PREX1: variants seen among roughly 807,000 people sequenced by gnomAD.
The protein encoded by PREX1 is phosphatidylinositol 3,4,5-trisphosphate-dependent Rac exchanger 1 protein.
A neutral mutation model predicts 198.3 loss-of-function variants in PREX1; 41 were observed. The ratio of observed to expected loss-of-function variants is 0.21; its 90% confidence interval spans 0.16 to 0.27. The LOEUF (loss-of-function observed/expected upper bound fraction) is 0.27. Ranked by LOEUF, PREX1 falls within the 10% of genes least tolerant of loss-of-function variation. The pLI is 1.00. For synonymous variants in PREX1, 843 were observed against 887.2 expected, an observed-to-expected ratio of 0.95 and a Z score of 0.89; for missense variants, 1,620 against 2,200.7, an observed-to-expected ratio of 0.74 and a Z score of 5.28.
At chr20:48,636,319 C>A in intron 32 of PREX1, 144 bp downstream of exon 32, 1 of 846,556 alleles carries the variant, frequency 1.2e-6, no homozygotes, top group Non-Finnish European at 1.8e-6. Flanking sequence ...TATAAAACAG[C>A]ACACAGGTGC....
intron 7 of PREX1, among the ~76,000 whole-genome samples, chr20:48,699,912 ACT>A (rs1377376240): frequency 6.6e-6 from 1 of 151,852 alleles, no homozygotes; most frequent in African/African-American, 2.4e-5. Context: ...ACACTCATTC[ACT>A]CACACACACG....
chr20:48,774,786 T>C (rs1198737338), intron 1 of PREX1, among the ~76,000 whole-genome samples: 3 of 152,222 alleles, frequency 2.0e-5, no homozygotes, highest in Non-Finnish European at 4.4e-5. Context: ...CAGGCAAATC[T>C]CCGGCCCCTC....
At chr20:48,808,085 A>G (rs1017633385) in intron 1 of PREX1, among the ~76,000 whole-genome samples, 2 of 152,172 alleles carry the variant, frequency 1.3e-5, no homozygotes, top group Non-Finnish European at 1.5e-5. Context: ...CTGTTGTCGG[A>G]ACATTCTGGA....
At chr20:48,627,691 G>T in intron 38 of PREX1, 76 bp from the exon 39 acceptor site, 1 of 1,500,454 alleles carries the variant, frequency 6.7e-7, no homozygotes, top group Non-Finnish European at 9.3e-7. Flanking sequence ...GGGTGGGGGT[G>T]GGGCCCAGAA....
intron 1 of PREX1, among the ~76,000 whole-genome samples, chr20:48,823,368 C>G (rs1281982569): frequency 6.6e-6 from 1 of 152,162 alleles, no homozygotes; most frequent in African/African-American, 2.4e-5. Context: ...CAGGTGGGCC[C>G]AAGGTCTACT....
chr20:48,810,543 C>T (rs2090429205), intron 1 of PREX1, among the ~76,000 whole-genome samples: 1 of 149,484 alleles, frequency 6.7e-6, no homozygotes, highest in South Asian at 2.1e-4. Context: ...GATCACACCA[C>T]TGCACTCCAG....
At chr20:48,672,254 G>A (rs1371944908) in intron 14 of PREX1, among the ~76,000 whole-genome samples, 1 of 152,212 alleles carries the variant, frequency 6.6e-6, no homozygotes, top group African/African-American at 2.4e-5. Flanking sequence ...AGGCTTTGGA[G>A]TCATTCTCTG....
At chr20:48,805,373 G>A (rs2090407180) in intron 1 of PREX1, among the ~76,000 whole-genome samples, 3 of 152,236 alleles carry the variant, frequency 2.0e-5, no homozygotes, top group African/African-American at 7.2e-5. Flanking sequence ...TCAGCTGGCT[G>A]AGCCACCCGG....
chr20:48,735,236 G>A (rs905164660), intron 3 of PREX1, among the ~76,000 whole-genome samples: 3 of 152,136 alleles, frequency 2.0e-5, no homozygotes, highest in East Asian at 1.9e-4. Flanking sequence ...CACAGAACCC[G>A]CCAAACCCTA....
intron 1 of PREX1, among the ~76,000 whole-genome samples, chr20:48,785,849 G>T (rs906409872): frequency 6.6e-6 from 1 of 152,218 alleles, no homozygotes; most frequent in Non-Finnish European, 1.5e-5. Flanking sequence ...CCCCCATCAT[G>T]TGGCAGGCGG....
chr20:48,684,542 A>G lies in PREX1; in HGVS notation c.1335-3207T>C, dbSNP rs116077923. On this transcript the variant is annotated intron_variant, in intron 10 of 39. Coordinates refer to ENST00000371941, the MANE Select transcript of PREX1 (RefSeq NM_020820.4). The surrounding 1 kb of genome is among the most constrained non-coding windows in gnomAD (Gnocchi z 4.2). ...AGACGTCCATAACTGAACAGCATCTAATCTCTGCCAAGGGTGAAACCCAAG... is the reference window on the plus strand; with the variant it reads ...AGACGTCCATAACTGAACAGCATCTGATCTCTGCCAAGGGTGAAACCCAAG... Among the ~76,000 whole-genome samples the G allele has an allele frequency of 1.4e-3, 218 of 152,338 alleles. No homozygotes were observed. The highest frequency in any genetic ancestry group is 5.1e-3 in the African/African-American group (214 of 41,580).
At chr20:48,754,649 T>C (rs1234204120) in intron 1 of PREX1, among the ~76,000 whole-genome samples, 1 of 125,556 alleles carries the variant, frequency 8.0e-6, no homozygotes, top group African/African-American at 3.1e-5. Context: ...ACCAGACATA[T>C]GGTGAAACTT....
chr20:48,681,367 T>C, intron 10 of PREX1, 32 bp from the exon 11 acceptor site: 9 of 1,605,318 alleles, frequency 5.6e-6, no homozygotes, highest in Non-Finnish European at 7.7e-6. Flanking sequence ...GTTGAGAGGA[T>C]TTCCCCAATT....
At position 48,827,306 on chromosome 20, in the gene PREX1, G is replaced by A. The variant is rs552810979; in HGVS notation, c.219+336C>T. 4.6e-5 allele frequency among the ~76,000 whole-genome samples: 7 copies of A among 152,364 alleles called. No individual in the cohort carries two copies. In the East Asian group the frequency reaches 9.6e-4, roughly 21 times the overall value. On this transcript the variant is annotated intron_variant, in intron 1 of 39. Transcript: ENST00000371941. This position sits in a 1 kb window ranked among gnomAD's most constrained non-coding sequence, Gnocchi z 4.1. Reference sequence around the variant, plus strand: ...AGACGCAGGAGCGCCAGCTCCCGGCGCCGCCGGGGTCCCCAAGCCCCTGCA... The same window carrying A: ...AGACGCAGGAGCGCCAGCTCCCGGCACCGCCGGGGTCCCCAAGCCCCTGCA...
At chr20:48,819,059 A>G (rs1470214273) in intron 1 of PREX1, among the ~76,000 whole-genome samples, 1 of 152,186 alleles carries the variant, frequency 6.6e-6, no homozygotes, top group Non-Finnish European at 1.5e-5. Context: ...CTGCTGTGGG[A>G]GGGGACGGTA....
upstream of PREX1, among the ~76,000 whole-genome samples, chr20:48,829,700 C>T (rs1455816877): frequency 6.6e-6 from 1 of 152,138 alleles, no homozygotes; most frequent in African/African-American, 2.4e-5. Context: ...GTTCACGGTA[C>T]CTTTCTGAGC....
At chr20:48,839,138 T>TA in the PREX1 span, among the ~76,000 whole-genome samples, 1 of 152,104 alleles carries the variant, frequency 6.6e-6, no homozygotes, top group East Asian at 1.9e-4. Flanking sequence ...CATGGATGTA[T>TA]ATGGCTTTAA....
At chr20:48,865,950 CTTT>C in the PREX1 span, among the ~76,000 whole-genome samples, 12 of 140,182 alleles carry the variant, frequency 8.6e-5, no homozygotes, top group African/African-American at 1.3e-4. Context: ...AAGTGTTAAA[CTTT>C]TTTTTTTTTT....
chr20:48,639,648 C>G, intron 30 of PREX1, 118 bp downstream of exon 30: 1 of 1,458,394 alleles, frequency 6.9e-7, no homozygotes, highest in South Asian at 1.3e-5. Context: ...CTCTTGTCCT[C>G]TCCCTGGTCA....
Sources: gnomAD v4.1 joint callset for allele counts (sites outside exome capture counted in the v4.1 genomes callset) on GRCh38, gnomAD v4.1.1 for gene constraint, Gnocchi (gnomAD v3.1) non-coding constraint, MANE v1.5 for transcripts, NCBI Gene and HGNC (gene_info 2026-07-23, HGNC 2026-07-21) for gene names.